The following CNTNAP5 variants were observed in gnomAD, a reference collection of about 807,000 sequenced individuals.
The protein encoded by CNTNAP5 is contactin associated protein family member 5, also known as contactin-associated protein-like 5.
In CNTNAP5, 72 loss-of-function variants were observed where a neutral mutation model predicts 150.2. That is an observed-to-expected ratio of 0.48 (90% CI 0.40 to 0.58). The LOEUF (loss-of-function observed/expected upper bound fraction) is 0.58. Among genes scored for constraint, CNTNAP5 ranks in the 20% least tolerant of loss-of-function variants. CNTNAP5 has a pLI of 0.00. For synonymous variants in CNTNAP5, 672 were observed against 619.8 expected (o/e 1.08, Z -1.25); for missense variants, 1,636 against 1,626.2 (o/e 1.01, Z -0.10).
chr2:124,452,592 A>G (rs1387349775), intron 6 of CNTNAP5, among the ~76,000 whole-genome samples: 1 of 152,134 alleles, frequency 6.6e-6, no homozygotes, highest in African/African-American at 2.4e-5. Flanking sequence ...AACCAGAACA[A>G]AAGTAGTGCA....
intron 19 of CNTNAP5, among the ~76,000 whole-genome samples, chr2:124,819,866 G>C (rs528344170): frequency 6.6e-6 from 1 of 152,302 alleles, no homozygotes; most frequent in Admixed American, 6.5e-5. Context: ...CTCAGTTACT[G>C]TGTGTCTCTT....
At chr2:124,577,264 C>A (rs77567954) in intron 11 of CNTNAP5, among the ~76,000 whole-genome samples, 1 of 152,066 alleles carries the variant, frequency 6.6e-6, no homozygotes, top group Non-Finnish European at 1.5e-5. Flanking sequence ...TCAGAACATA[C>A]CTAGGAACAA....
At chr2:124,299,612 A>T (rs1688526466) in intron 3 of CNTNAP5, among the ~76,000 whole-genome samples, 1 of 113,396 alleles carries the variant, frequency 8.8e-6, no homozygotes, top group Non-Finnish European at 1.8e-5. Flanking sequence ...GGTCGATTCC[A>T]TGTCTTTGCT....
chr2:124,633,411 C>T (rs1677905284), intron 12 of CNTNAP5, among the ~76,000 whole-genome samples: 1 of 152,222 alleles, frequency 6.6e-6, no homozygotes, highest in South Asian at 2.1e-4. Context: ...GCAGTCATTA[C>T]CTTAAAGCTC....
intron 21 of CNTNAP5, among the ~76,000 whole-genome samples, chr2:124,872,202 ATT>A (rs1677763046): frequency 1.3e-5 from 2 of 152,034 alleles, no homozygotes; most frequent in South Asian, 4.2e-4. Flanking sequence ...AATAAAGATA[ATT>A]TGTTGTCTCT....
intron 11 of CNTNAP5, among the ~76,000 whole-genome samples, chr2:124,588,204 C>CTTTCTT: frequency 7.6e-6 from 1 of 131,122 alleles, no homozygotes; most frequent in Non-Finnish European, 1.6e-5. Flanking sequence ...TTCTTTCTTT[C>CTTTCTT]TTTCTTTCTT....
chr2:124,486,167 T>G (rs2104844912), intron 7 of CNTNAP5, among the ~76,000 whole-genome samples: 1 of 152,294 alleles, frequency 6.6e-6, no homozygotes, highest in Admixed American at 6.5e-5. Flanking sequence ...CTGGATGGAA[T>G]TAGAGACTAT....
At chr2:124,216,995 C>T (rs958307411) in intron 1 of CNTNAP5, among the ~76,000 whole-genome samples, 5 of 152,282 alleles carry the variant, frequency 3.3e-5, no homozygotes, top group Middle Eastern at 3.4e-3. Flanking sequence ...AACTAGTTTA[C>T]GGTCCCACCA....
chr2:124,145,837 A>AAAAAAG (rs1684236374), intron 1 of CNTNAP5, among the ~76,000 whole-genome samples: 14 of 46,946 alleles, frequency 3.0e-4, no homozygotes, highest in Admixed American at 7.8e-4. Context: ...AAGAAGAAAA[A>AAAAAAG]AAAAAAAAAT....
chr2:124,240,277 T>A (rs920660914), intron 2 of CNTNAP5, among the ~76,000 whole-genome samples: 1 of 152,188 alleles, frequency 6.6e-6, no homozygotes, highest in Non-Finnish European at 1.5e-5. Flanking sequence ...CTTTCCTTCA[T>A]GTGATCTTTC....
chr2:124,570,549 C>A (rs1294969741), intron 11 of CNTNAP5, among the ~76,000 whole-genome samples: 1 of 151,030 alleles, frequency 6.6e-6, no homozygotes, highest in Non-Finnish European at 1.5e-5. Context: ...TAAGAGCCAG[C>A]CACAGTTTGT....
chr2:124,913,850 C>A (rs1486133521), intron 23 of CNTNAP5, among the ~76,000 whole-genome samples: 1 of 152,142 alleles, frequency 6.6e-6, no homozygotes, highest in South Asian at 2.1e-4. Flanking sequence ...TTAAACAAAA[C>A]CTTCTATGGT....
intron 3 of CNTNAP5, among the ~76,000 whole-genome samples, chr2:124,283,451 C>A (rs1573889668): frequency 6.6e-6 from 1 of 152,166 alleles, no homozygotes; most frequent in African/African-American, 2.4e-5. Flanking sequence ...GACATCCTGG[C>A]ACATGTGTCT....
At chr2:124,365,625 T>C (rs1690352943) in intron 3 of CNTNAP5, among the ~76,000 whole-genome samples, 1 of 152,196 alleles carries the variant, frequency 6.6e-6, no homozygotes, top group Non-Finnish European at 1.5e-5. Context: ...CTGTAATTCC[T>C]TAGACCTGAA....
chr2:124,033,128 T>C (rs996276531), intron 1 of CNTNAP5, among the ~76,000 whole-genome samples: 1 of 152,214 alleles, frequency 6.6e-6, no homozygotes, highest in Non-Finnish European at 1.5e-5. Context: ...TCTCTACATT[T>C]CTAATTGCTT....
intron 13 of CNTNAP5, among the ~76,000 whole-genome samples, chr2:124,744,904 G>A (rs954834298): frequency 6.6e-6 from 1 of 152,112 alleles, no homozygotes; most frequent in Non-Finnish European, 1.5e-5. Flanking sequence ...GGAAAATCTA[G>A]CAATAATCCT....
chr2:124,449,718 C>A (rs1273960974), intron 6 of CNTNAP5, among the ~76,000 whole-genome samples: 1 of 152,130 alleles, frequency 6.6e-6, no homozygotes, highest in Non-Finnish European at 1.5e-5. Context: ...GTAACCTCTG[C>A]TTTAGGGAAT....
intron 3 of CNTNAP5, among the ~76,000 whole-genome samples, chr2:124,331,683 A>G (rs960267324): frequency 6.6e-6 from 1 of 151,966 alleles, no homozygotes; most frequent in Non-Finnish European, 1.5e-5. Flanking sequence ...TTAGAATTAA[A>G]AGGCTCAAAA....
At chr2:124,274,012 A>T (rs1687822527) in intron 3 of CNTNAP5, among the ~76,000 whole-genome samples, 1 of 152,164 alleles carries the variant, frequency 6.6e-6, no homozygotes, top group Non-Finnish European at 1.5e-5. Context: ...TAAATGTTCA[A>T]ATCACCTCAT....
Sources: gnomAD v4.1 joint callset for allele counts (sites outside exome capture counted in the v4.1 genomes callset) on GRCh38, gnomAD v4.1.1 for gene constraint, MANE v1.5 for transcripts, NCBI Gene and HGNC (gene_info 2026-07-23, HGNC 2026-07-21) for gene names.